COP1: variants seen among roughly 807,000 people sequenced by gnomAD.
COP1 encodes the protein E3 ubiquitin-protein ligase COP1.
In COP1, 24 loss-of-function variants were observed where a neutral mutation model predicts 101.3. That is an observed-to-expected ratio of 0.24 (90% confidence interval 0.17 to 0.33). The LOEUF is 0.33. Among genes scored for constraint, COP1 ranks in the 10% least tolerant of loss-of-function variants. The pLI, the probability that COP1 is intolerant of heterozygous loss-of-function variation, is 1.00. For synonymous variants in COP1, 347 were observed against 341.9 expected (o/e 1.01, Z -0.17); for missense variants, 663 against 906.2 (o/e 0.73, Z 3.45).
chr1:175,976,106 T>A (rs930163545), intron 18 of COP1, among the ~76,000 whole-genome samples: 3 of 151,968 alleles, frequency 2.0e-5, no homozygotes, highest in African/African-American at 7.2e-5. Context: ...CAAAAAACTT[T>A]GAGAAAATAA....
At chr1:176,195,140 G>A (rs1699526082) in intron 1 of COP1, among the ~76,000 whole-genome samples, 5 of 148,784 alleles carry the variant, frequency 3.4e-5, no homozygotes, top group Admixed American at 3.3e-4. Context: ...AGAGAAAGAG[G>A]GAGAGGGAGA....
chr1:175,994,386 ACATAACAATAT>A (rs1659536437), intron 15 of COP1, among the ~76,000 whole-genome samples: 1 of 152,220 alleles, frequency 6.6e-6, no homozygotes, highest in African/African-American at 2.4e-5. Context: ...TCAAATTCAC[ACATAACAATAT>A]TAACTTTAAA....
rs1269311013 is a variant in COP1, at chr1:176,163,804, T to C, written c.642+11A>G. On this transcript the variant is annotated intron_variant, in intron 4 of 19. Transcript: ENST00000367669. Reference sequence around the variant, plus strand: ...AATTTATTAAAAATAGTAATAAGAGTTGAAACATACGGTGCTACTCACTGA... The same window carrying C: ...AATTTATTAAAAATAGTAATAAGAGCTGAAACATACGGTGCTACTCACTGA... 1 of 1,497,448 alleles carries C rather than the reference T, an allele frequency of 6.7e-7. No individual in the cohort carries two copies. The highest frequency in any genetic ancestry group is 1.3e-5 in the South Asian group (1 of 78,904). The allele number at this position is 1,497,448 out of a possible 1,614,324, so 92.8% of individuals were successfully genotyped here. A position where few individuals can be genotyped will look rare whatever the true frequency, so the allele number is the denominator to read the frequency against.
At chr1:176,161,970 T>C (rs1458374327) in intron 5 of COP1, among the ~76,000 whole-genome samples, 2 of 152,200 alleles carry the variant, frequency 1.3e-5, no homozygotes, top group African/African-American at 2.4e-5. Context: ...CTCCTTTTTT[T>C]CTTTTATCAA....
intron 15 of COP1, among the ~76,000 whole-genome samples, chr1:176,007,945 C>G (rs567814059): frequency 1.3e-5 from 2 of 152,190 alleles, no homozygotes; most frequent in African/African-American, 2.4e-5. Context: ...CCCCCAGCCT[C>G]GCTGCCGCCT....
chr1:176,013,531 T>C (rs937146802), intron 15 of COP1, among the ~76,000 whole-genome samples: 1 of 152,218 alleles, frequency 6.6e-6, no homozygotes. Flanking sequence ...CCTTGTATAA[T>C]TTCTCATTTC....
chr1:176,140,708 A>G (rs1690543721), intron 6 of COP1, among the ~76,000 whole-genome samples: 1 of 152,232 alleles, frequency 6.6e-6, no homozygotes, highest in Non-Finnish European at 1.5e-5. Flanking sequence ...AGAAAAGTTC[A>G]AGAAGCTGAA....
At chr1:175,958,113 T>A (rs55779970) in intron 18 of COP1, among the ~76,000 whole-genome samples, 10,022 of 152,178 alleles carry the variant, frequency 0.066, 410 homozygotes, top group Middle Eastern at 0.12. Flanking sequence ...TATACTGATG[T>A]ATACACTTGT....
chr1:176,149,903 A>C (rs936283716), intron 5 of COP1, among the ~76,000 whole-genome samples: 2 of 152,140 alleles, frequency 1.3e-5, no homozygotes, highest in African/African-American at 4.8e-5. Flanking sequence ...TATACTTGAA[A>C]GGGAGAATAA....
intron 11 of COP1, among the ~76,000 whole-genome samples, chr1:176,060,932 C>T (rs890493749): frequency 1.8e-4 from 27 of 151,820 alleles, no homozygotes; most frequent in African/African-American, 6.3e-4. Flanking sequence ...CAAACCATTG[C>T]AGCAAGAAAA....
chr1:175,974,400 A>G (rs1388407584), intron 18 of COP1, among the ~76,000 whole-genome samples: 3 of 152,232 alleles, frequency 2.0e-5, no homozygotes, highest in African/African-American at 7.2e-5. Flanking sequence ...TGTGATAGTA[A>G]GTCAATGCAA....
At chr1:176,065,994 G>A (rs1675893180) in intron 11 of COP1, among the ~76,000 whole-genome samples, 1 of 152,118 alleles carries the variant, frequency 6.6e-6, no homozygotes, top group Non-Finnish European at 1.5e-5. Context: ...CCAAAGTTCT[G>A]GGATTACAGG....
intron 11 of COP1, among the ~76,000 whole-genome samples, chr1:176,066,897 T>G (rs1436369471): frequency 6.6e-6 from 1 of 152,150 alleles, no homozygotes; most frequent in Non-Finnish European, 1.5e-5. Flanking sequence ...TTGGAACAGT[T>G]GGTTACCAGC....
intron 18 of COP1, among the ~76,000 whole-genome samples, chr1:175,979,071 G>A (rs148687344): frequency 2.0e-5 from 3 of 152,192 alleles, no homozygotes; most frequent in South Asian, 2.1e-4. Flanking sequence ...TGGTTAGGAT[G>A]TATAACAAAC....
intron 2 of COP1, among the ~76,000 whole-genome samples, chr1:176,181,580 C>T (rs1008309120): frequency 2.0e-5 from 3 of 152,156 alleles, no homozygotes; most frequent in East Asian, 1.9e-4. Context: ...CAGTGGCTCA[C>T]GCTTGTAATC....
intron 9 of COP1, among the ~76,000 whole-genome samples, chr1:176,101,241 G>GA (rs1263515577): frequency 7.1e-6 from 1 of 140,714 alleles, no homozygotes; most frequent in East Asian, 1.9e-4. Context: ...AAGGACAGAG[G>GA]AAAGAAAGAG....
At chr1:176,076,456 T>G (rs1247329456) in intron 11 of COP1, among the ~76,000 whole-genome samples, 1 of 152,212 alleles carries the variant, frequency 6.6e-6, no homozygotes, top group African/African-American at 2.4e-5. Flanking sequence ...CCAAAATCTT[T>G]GGATGCAGCT....
intron 18 of COP1, among the ~76,000 whole-genome samples, chr1:175,986,336 T>C (rs1032873048): frequency 5.3e-5 from 8 of 152,142 alleles, no homozygotes; most frequent in African/African-American, 1.9e-4. Context: ...TATTTTTTCA[T>C]ATAACTTATG....
intron 5 of COP1, among the ~76,000 whole-genome samples, chr1:176,153,458 A>T (rs1002394931): frequency 2.6e-5 from 4 of 152,158 alleles, no homozygotes; most frequent in African/African-American, 9.7e-5. Flanking sequence ...GACTTTGCTG[A>T]ACTTGTTTGT....
Sources: gnomAD v4.1 joint callset for allele counts (sites outside exome capture counted in the v4.1 genomes callset) on GRCh38, gnomAD v4.1.1 for gene constraint, MANE v1.5 for transcripts, NCBI Gene and HGNC (gene_info 2026-07-23, HGNC 2026-07-21) for gene names.